SDC1: variants seen among roughly 807,000 people sequenced by gnomAD.
SDC1 encodes the protein syndecan-1.
Under a neutral mutation model 29.7 loss-of-function variants are expected in SDC1, and 14 were observed. The observed-to-expected ratio is 0.47, with a 90% confidence interval of 0.31 to 0.74. The LOEUF is 0.74. Among genes scored for constraint, SDC1 ranks in the 30% least tolerant of loss-of-function variants. The probability of loss-of-function intolerance (pLI) is 0.05; values close to 1 mark genes in which losing one functional copy is unlikely to be tolerated. For synonymous variants in SDC1, 204 were observed against 175.5 expected, an observed-to-expected ratio of 1.16 and a Z score of -1.29; for missense variants, 406 against 400.3, an observed-to-expected ratio of 1.01 and a Z score of -0.12.
intron 1 of SDC1, among the ~76,000 whole-genome samples, chr2:20,222,530 C>T (rs1459402942): frequency 6.6e-6 from 1 of 152,074 alleles, no homozygotes; most frequent in Non-Finnish European, 1.5e-5. Flanking sequence ...AGAGTCTGAC[C>T]CCAAAGCTCA....
At chr2:20,205,315 G>GT (rs1677224366) in intron 2 of SDC1, 28 bp downstream of exon 2, 2 of 1,580,538 alleles carry the variant, frequency 1.3e-6, no homozygotes, top group East Asian at 4.5e-5. Flanking sequence ...GCCGTCTTGG[G>GT]TGGGGGGGGC....
chr2:20,216,984 C>T (rs550701988), intron 1 of SDC1, among the ~76,000 whole-genome samples: 4 of 152,282 alleles, frequency 2.6e-5, no homozygotes, highest in Admixed American at 2.6e-4. Flanking sequence ...TCCCTGAACA[C>T]CTTTGGAGAT....
In SDC1 at chr2:20,203,870, C is replaced by T. The variant is rs755143681; in HGVS notation, c.570G>A (p.Arg190=). 4.3e-6 allele frequency: 7 copies of T among 1,611,046 alleles called. No homozygotes were observed. The African/African-American group carries it at 6.7e-5, about 15-fold the overall frequency. Residue 190 remains arginine (R), a synonymous_variant, in exon 3 of 5, where the codon AGG becomes AGA. Coordinates refer to ENST00000254351, the MANE Select transcript of SDC1 (RefSeq NM_002997.5). ...TEDGGPSATE[R]AAEDGASSQL... ...GACTGGAGGCTCCATCCTCAGCAGC[C>T]CTCTCGGTGGCAGAAGGACCTCCAT... is the stretch of plus-strand genomic sequence containing the variant.
intron 1 of SDC1, chr2:20,207,909 A>AC: frequency 1.0e-6 from 1 of 974,504 alleles, no homozygotes; most frequent in Non-Finnish European, 1.2e-6. Flanking sequence ...CAGAGTGGGC[A>AC]CCCCCACCCA....
Position 20,224,801 on chromosome 2 carries a change from C to A in SDC1, c.66+1G>T. On this transcript the variant is annotated splice_donor_variant, in intron 1 of 4. Transcript: ENST00000254351. LOFTEE classifies it high-confidence loss of function. The surrounding 1 kb of genome is among the most constrained non-coding windows in gnomAD (Gnocchi z 4.9). The stretch of plus-strand genomic sequence containing the variant: ...CCCGCCTGGCCGCCGGCCGCACTCA[C>A]CGGCAGGGCCGGCTGCAGGCTCAGC... 1 of 1,303,038 alleles carries A rather than the reference C, an allele frequency of 7.7e-7. No individual in the cohort carries two copies. 80.7% of individuals were successfully genotyped at this position (1,303,038 alleles called of 1,614,324 possible).
chr2:20,216,242 G>T (rs556989828), intron 1 of SDC1, among the ~76,000 whole-genome samples: 1 of 152,168 alleles, frequency 6.6e-6, no homozygotes, highest in African/African-American at 2.4e-5. Context: ...GGAGGAAGGT[G>T]GGGGGCAGGG....
At chr2:20,211,548 G>A (rs1374868286) in intron 1 of SDC1, among the ~76,000 whole-genome samples, 1 of 152,242 alleles carries the variant, frequency 6.6e-6, no homozygotes, top group African/African-American at 2.4e-5. Context: ...TACATGACTG[G>A]GAAGTGTCTA....
intron 2 of SDC1, 100 bp downstream of exon 2, chr2:20,205,243 C>T (rs3732166): frequency 0.32 from 292,311 of 927,166 alleles, 46,582 homozygotes; most frequent in Middle Eastern, 0.37. Flanking sequence ...GCAGGGTGCA[C>T]TCAGTACATG....
At chr2:20,212,142 G>A (rs1553345244) in intron 1 of SDC1, among the ~76,000 whole-genome samples, 1 of 152,204 alleles carries the variant, frequency 6.6e-6, no homozygotes, top group Admixed American at 6.5e-5. Context: ...CTAGACAGGG[G>A]TTCTGTCCCC....
chr2:20,208,467 C>T (rs1242869837), intron 1 of SDC1, among the ~76,000 whole-genome samples: 1 of 152,236 alleles, frequency 6.6e-6, no homozygotes, highest in African/African-American at 2.4e-5. Context: ...GAGAGACCTC[C>T]CAAATCTTCT....
At chr2:20,209,196 G>C (rs184318881) in intron 1 of SDC1, among the ~76,000 whole-genome samples, 113 of 152,276 alleles carry the variant, frequency 7.4e-4, no homozygotes, top group Non-Finnish European at 1.3e-3. Context: ...CCTTCTCTAA[G>C]GCTGGAAACA....
intron 1 of SDC1, among the ~76,000 whole-genome samples, chr2:20,218,368 A>C (rs1375952561): frequency 6.6e-6 from 1 of 152,244 alleles, no homozygotes; most frequent in East Asian, 1.9e-4. Context: ...GGGAGGCAGA[A>C]AGGAAGCTGG....
chr2:20,218,347 C>T (rs1223924101), intron 1 of SDC1, among the ~76,000 whole-genome samples: 1 of 152,206 alleles, frequency 6.6e-6, no homozygotes, highest in African/African-American at 2.4e-5. Flanking sequence ...GAAAAGGCCA[C>T]CAGCAGAGGT....
In SDC1 at chr2:20,203,994, G is replaced by A. The variant is rs1214689104; in HGVS notation, c.446C>T (p.Ala149Val). Residue 149 changes from alanine to valine, a missense_variant, in exon 3 of 5, where the codon GCC becomes GTC. By Grantham distance (64) the Ala-to-Val change is moderately conservative. Transcript: ENST00000254351. The part of the protein sequence containing the change: ...TTTATTAQEP[A>V]TSHPHRDMQP... ...CATGTCCCTGTGGGGGTGGGAGGTG[G>A]CGGGCTCCTGGGCCGTGGTGGCTGT... The A allele has an allele frequency of 4.3e-6, 7 of 1,613,902 alleles. No individual in the cohort carries two copies. The South Asian group carries it at 4.4e-5, about 10-fold the overall frequency.
At position 20,204,102 on chromosome 2, in the gene SDC1, C is replaced by T. The variant is rs1677156442; in HGVS notation, c.338G>A (p.Gly113Asp). Residue 113 changes from glycine (G) to aspartate (D), a missense_variant, in exon 3 of 5, where the codon GGC (glycine) becomes GAC (aspartate). Physicochemically the swap from Gly to Asp is moderately conservative, Grantham distance 94. Transcript: ENST00000254351. The stretch of plus-strand genomic sequence containing the variant: ...GGCCTCCTGCTCCCGGGCGGTGAGG[C>T]CAGGCTCCACTTCTGGCAGGACTAC... ...EAVVLPEVEP[G>D]LTAREQEATP... 1 of 1,608,078 alleles carries T rather than the reference C, an allele frequency of 6.2e-7. No individual in the cohort carries two copies. The highest frequency in any genetic ancestry group is 8.5e-7 in the Non-Finnish European group (1 of 1,179,786).
intron 1 of SDC1, among the ~76,000 whole-genome samples, chr2:20,217,691 A>G (rs1049357786): frequency 6.6e-6 from 1 of 152,168 alleles, no homozygotes; most frequent in Non-Finnish European, 1.5e-5. Flanking sequence ...CAGTGGATCA[A>G]GGTTGGTTGG....
intron 2 of SDC1, 75 bp downstream of exon 2, chr2:20,205,268 G>A (rs1179995610): frequency 3.5e-6 from 4 of 1,130,122 alleles, no homozygotes; most frequent in African/African-American, 1.5e-5. Context: ...GTAAACACAG[G>A]AGACTGCCTG....
At chr2:20,220,365 A>G (rs529549156) in intron 1 of SDC1, among the ~76,000 whole-genome samples, 53 of 152,054 alleles carry the variant, frequency 3.5e-4, no homozygotes, top group African/African-American at 1.1e-3. Context: ...ACACATGCGC[A>G]CACACACACA....
In SDC1 at chr2:20,201,367, T is replaced by G. The variant is rs1364730986; in HGVS notation, c.*1399A>C. On this transcript the variant is annotated 3_prime_UTR_variant, in exon 5 of 5. Transcript: ENST00000254351. ...AGAGGGACCCTGGAACCAGAATCCC[T>G]CCCCATGGGAAAGACGAAGGCACAG... 1 of 152,116 alleles carries G rather than the reference T, an allele frequency of 6.6e-6. No homozygotes were observed. Among genetic ancestry groups the G allele is most frequent in the Non-Finnish European group, 1.5e-5 (1 of 68,010 alleles). 9.4% of individuals were successfully genotyped at this position (152,116 alleles called of 1,614,324 possible).
Sources: allele counts gnomAD v4.1 joint callset (sites outside exome capture counted in the v4.1 genomes callset), GRCh38; gene constraint gnomAD v4.1.1; non-coding constraint Gnocchi (gnomAD v3.1); transcripts MANE v1.5; gene names NCBI Gene and HGNC (gene_info 2026-07-23, HGNC 2026-07-21).